BMPR1B: variants seen among roughly 807,000 people sequenced by gnomAD.
The protein encoded by BMPR1B is bone morphogenetic protein receptor type-1B.
BMPR1B carries 12 observed loss-of-function variants against 59.1 expected under a neutral mutation model. The ratio of observed to expected loss-of-function variants is 0.20; its 90% confidence interval spans 0.13 to 0.33. The LOEUF is 0.33. BMPR1B is among the 10% of genes least tolerant of loss of function. BMPR1B has a pLI of 1.00. For missense variants in BMPR1B, 550 were observed against 610.9 expected, an observed-to-expected ratio of 0.90 and a Z score of 1.05; for synonymous variants, 237 against 207.3, an observed-to-expected ratio of 1.14 and a Z score of -1.23.
At chr4:94,804,143 G>T (rs899342119) in intron 1 of BMPR1B, among the ~76,000 whole-genome samples, 1 of 152,180 alleles carries the variant, frequency 6.6e-6, no homozygotes, top group Admixed American at 6.5e-5. Flanking sequence ...CTCCCAAAGT[G>T]CTGGGATTAC....
intron 1 of BMPR1B, among the ~76,000 whole-genome samples, chr4:94,762,418 A>G (rs554429051): frequency 6.6e-6 from 1 of 152,246 alleles, no homozygotes; most frequent in South Asian, 2.1e-4. Context: ...AGGCCTCTGT[A>G]AGGATATTCT....
intron 2 of BMPR1B, among the ~76,000 whole-genome samples, chr4:94,974,389 T>C (rs906377641): frequency 1.8e-4 from 27 of 152,180 alleles, no homozygotes; most frequent in Admixed American, 5.9e-4. Context: ...CTGAATCTTA[T>C]CAGCTACCTT....
intron 2 of BMPR1B, among the ~76,000 whole-genome samples, chr4:94,876,179 C>A (rs1726724081): frequency 6.6e-6 from 1 of 152,154 alleles, no homozygotes; most frequent in Non-Finnish European, 1.5e-5. Flanking sequence ...TTAGTCTGTT[C>A]CTCAAACATT....
intron 3 of BMPR1B, chr4:94,996,470 T>C (rs1353500596): frequency 2.6e-5 from 4 of 152,156 alleles, no homozygotes; most frequent in Non-Finnish European, 4.4e-5. Context: ...ATTAAAACAT[T>C]AGTGTCAGTT....
At chr4:94,860,393 G>A (rs949234413) in intron 1 of BMPR1B, among the ~76,000 whole-genome samples, 3 of 152,074 alleles carry the variant, frequency 2.0e-5, no homozygotes, top group African/African-American at 4.8e-5. Flanking sequence ...TCATGTATAC[G>A]TAATCTTACA....
intron 2 of BMPR1B, among the ~76,000 whole-genome samples, chr4:94,942,490 T>C (rs1560559027): frequency 6.6e-6 from 1 of 152,198 alleles, no homozygotes; most frequent in Non-Finnish European, 1.5e-5. Flanking sequence ...AAAAAACTAT[T>C]CTTTACTTGT....
At chr4:95,058,538 G>A (rs1462246863) in intron 3 of BMPR1B, among the ~76,000 whole-genome samples, 1 of 152,182 alleles carries the variant, frequency 6.6e-6, no homozygotes, top group Non-Finnish European at 1.5e-5. Flanking sequence ...ACAGCCAGGT[G>A]TGAGTCAATT....
chr4:94,973,132 A>G (rs141051974), intron 2 of BMPR1B, among the ~76,000 whole-genome samples: 166 of 152,122 alleles, frequency 1.1e-3, no homozygotes, highest in African/African-American at 3.8e-3. Flanking sequence ...GGGGTTGCCT[A>G]TGACCCCCTG....
At position 95,143,524 on chromosome 4, in the gene BMPR1B, T is replaced by A. The variant is rs531338498; in HGVS notation, c.1077-5224T>A. Reference sequence around the variant, plus strand: ...ACCATAACCTACAGAACTGTCACTTTGTTAGTGTCTTCCCTGGGGTAGAAG... The same window carrying A: ...ACCATAACCTACAGAACTGTCACTTAGTTAGTGTCTTCCCTGGGGTAGAAG... On this transcript the variant is annotated intron_variant, in intron 10 of 12. Transcript: ENST00000515059. 3.9e-5 allele frequency among the ~76,000 whole-genome samples: 6 copies of A among 152,298 alleles called. No individual in the cohort carries two copies. The East Asian group carries it at 9.7e-4, about 25-fold the overall frequency.
At chr4:94,993,460 A>G (rs185093398) in intron 2 of BMPR1B, among the ~76,000 whole-genome samples, 14 of 152,188 alleles carry the variant, frequency 9.2e-5, no homozygotes, top group Non-Finnish European at 1.8e-4. Flanking sequence ...TTAAATTTGT[A>G]TTGCAGTATG....
chr4:94,787,743 G>T (rs1722813905), intron 1 of BMPR1B, among the ~76,000 whole-genome samples: 1 of 152,154 alleles, frequency 6.6e-6, no homozygotes, highest in Non-Finnish European at 1.5e-5. Context: ...TGTTACAGGG[G>T]CTCTAGGCGA....
chr4:94,857,964 G>T (rs768162708), intron 1 of BMPR1B, among the ~76,000 whole-genome samples: 3 of 151,562 alleles, frequency 2.0e-5, no homozygotes, highest in Non-Finnish European at 4.4e-5. Flanking sequence ...TTATTTTTTT[G>T]AGACGGAGTC....
intron 2 of BMPR1B, among the ~76,000 whole-genome samples, chr4:94,907,040 C>G (rs747281869): frequency 2.6e-5 from 4 of 151,984 alleles, no homozygotes; most frequent in Non-Finnish European, 5.9e-5. Flanking sequence ...GAGTACTTCT[C>G]AGCATAAATG....
chr4:94,879,227 T>C (rs1407320594), intron 2 of BMPR1B, among the ~76,000 whole-genome samples: 1 of 152,228 alleles, frequency 6.6e-6, no homozygotes, highest in Non-Finnish European at 1.5e-5. Context: ...GTAAATCCTA[T>C]GCTCTTTAGC....
In BMPR1B at chr4:94,790,859, A is replaced by T. The variant is rs536759474; in HGVS notation, c.-183+32791A>T. On this transcript the variant is annotated intron_variant, in intron 1 of 12. Coordinates refer to ENST00000515059, the MANE Select transcript of BMPR1B (RefSeq NM_001203.3). ...GTGGCTCCTTTGTAGTTTGCATGACATCTGTTTTATAGTTCTAAGTAGTGT... is the reference window on the plus strand; with the variant it reads ...GTGGCTCCTTTGTAGTTTGCATGACTTCTGTTTTATAGTTCTAAGTAGTGT... Among the ~76,000 whole-genome samples, 3 of 152,212 alleles carry T rather than the reference A, an allele frequency of 2.0e-5. No individual in the cohort carries two copies. In the East Asian group the frequency reaches 5.8e-4, roughly 29 times the overall value.
intron 3 of BMPR1B, chr4:95,091,566 C>A: frequency 1.0e-6 from 1 of 985,230 alleles, no homozygotes; most frequent in South Asian, 4.7e-5. Flanking sequence ...TCTGTGCCTC[C>A]TCCTCATGTC....
intron 1 of BMPR1B, among the ~76,000 whole-genome samples, chr4:94,865,726 C>A (rs1726201860): frequency 6.6e-6 from 1 of 152,186 alleles, no homozygotes; most frequent in Admixed American, 6.5e-5. Flanking sequence ...CAATGGTTCC[C>A]ATTGCCTCTG....
chr4:95,141,561 G>T (rs1734231742), intron 10 of BMPR1B, among the ~76,000 whole-genome samples: 1 of 152,172 alleles, frequency 6.6e-6, no homozygotes, highest in Non-Finnish European at 1.5e-5. Context: ...TGACGTAAGT[G>T]CCGATGCATT....
intron 3 of BMPR1B, among the ~76,000 whole-genome samples, chr4:95,003,723 T>G (rs1722614979): frequency 6.6e-6 from 1 of 151,586 alleles, no homozygotes; most frequent in African/African-American, 2.4e-5. Context: ...GACCCCAAAA[T>G]GTAAAGTAAC....
Sources: allele counts gnomAD v4.1 joint callset (sites outside exome capture counted in the v4.1 genomes callset), GRCh38; gene constraint gnomAD v4.1.1; transcripts MANE v1.5; gene names NCBI Gene and HGNC (gene_info 2026-07-23, HGNC 2026-07-21).